SIPA1L3: variants seen among roughly 807,000 people sequenced by gnomAD.
The protein encoded by SIPA1L3 is signal-induced proliferation-associated 1-like protein 3.
In SIPA1L3, 59 loss-of-function variants were observed where a neutral mutation model predicts 150.1. That is an observed-to-expected ratio of 0.39 (90% CI 0.32 to 0.49). SIPA1L3 has a LOEUF of 0.49. SIPA1L3 is among the 20% of genes least tolerant of loss of function. SIPA1L3 has a pLI of 0.86. For missense variants in SIPA1L3, 2,211 were observed against 2,489.5 expected, an observed-to-expected ratio of 0.89 and a Z score of 2.38; for synonymous variants, 1,070 against 1,077.6, an observed-to-expected ratio of 0.99 and a Z score of 0.14.
chr19:38,048,498 G>C (rs576927338), intron 2 of SIPA1L3, among the ~76,000 whole-genome samples: 1 of 152,148 alleles, frequency 6.6e-6, no homozygotes, highest in African/African-American at 2.4e-5. Context: ...CTGAGGTCAC[G>C]TGCCCCTCAA....
Position 38,012,450 on chromosome 19 carries a change from C to G in SIPA1L3, c.-378-16639C>G, listed in dbSNP as rs145997576. Among the ~76,000 whole-genome samples, 148 of 152,262 alleles carry G rather than the reference C, an allele frequency of 9.7e-4. 2 individuals are homozygous for G. The East Asian group carries it at 0.019, about 20-fold the overall frequency. ...TCTAAGTAAAGGCTGGGGCCCTGTT[C>G]TGGTGCTGTACAGGGAACCTCCCCT... On this transcript the variant is annotated intron_variant, in intron 1 of 21. Transcript: ENST00000222345.
chr19:37,982,169 G>A (rs1282521017), intron 1 of SIPA1L3, among the ~76,000 whole-genome samples: 2 of 152,160 alleles, frequency 1.3e-5, no homozygotes, highest in South Asian at 4.1e-4. Context: ...ACAATTTAAT[G>A]TCCCAGATCA....
intron 1 of SIPA1L3, among the ~76,000 whole-genome samples, chr19:37,971,810 G>A (rs950937018): frequency 8.6e-5 from 13 of 151,788 alleles, no homozygotes; most frequent in Non-Finnish European, 1.6e-4. Flanking sequence ...CAGGCAATCC[G>A]CCCGCCTCAG....
intron 1 of SIPA1L3, among the ~76,000 whole-genome samples, chr19:37,922,424 T>C (rs1461609353): frequency 6.6e-6 from 1 of 151,328 alleles, no homozygotes; most frequent in African/African-American, 2.4e-5. Context: ...GACAGAGTCT[T>C]GCTCTGTCGC....
chr19:37,966,442 T>C (rs915062679), intron 1 of SIPA1L3, among the ~76,000 whole-genome samples: 1 of 152,154 alleles, frequency 6.6e-6, no homozygotes, highest in Non-Finnish European at 1.5e-5. Context: ...GCTGGAGGAA[T>C]GTTATGAGAC....
intron 1 of SIPA1L3, among the ~76,000 whole-genome samples, chr19:37,977,084 A>G (rs994019498): frequency 4.6e-5 from 7 of 151,414 alleles, no homozygotes; most frequent in Non-Finnish European, 1.0e-4. Context: ...CAGTCCACCC[A>G]CCTGAGCCTT....
At chr19:38,031,103 A>T (rs1968645083) in intron 2 of SIPA1L3, among the ~76,000 whole-genome samples, 1 of 152,126 alleles carries the variant, frequency 6.6e-6, no homozygotes, top group South Asian at 2.1e-4. Flanking sequence ...CTGTCAAAGG[A>T]TGCTTCCTGG....
chr19:38,131,111 A>G (rs1600112013), intron 10 of SIPA1L3, among the ~76,000 whole-genome samples: 1 of 152,174 alleles, frequency 6.6e-6, no homozygotes, highest in Non-Finnish European at 1.5e-5. Flanking sequence ...CATTTGTTCA[A>G]AATGTGTTTA....
intron 2 of SIPA1L3, among the ~76,000 whole-genome samples, chr19:38,036,766 A>G (rs1458421436): frequency 1.3e-5 from 2 of 152,188 alleles, no homozygotes; most frequent in African/African-American, 4.8e-5. Flanking sequence ...TGGGCAGGTC[A>G]GGTGGGAGGG....
At chr19:38,021,103 T>C (rs113051945) in intron 1 of SIPA1L3, among the ~76,000 whole-genome samples, 4,029 of 152,250 alleles carry the variant, frequency 0.026, 156 homozygotes, top group African/African-American at 0.089. Context: ...GCCCGGCTTT[T>C]AGCTGAGTCT....
chr19:38,082,093 C>G lies in SIPA1L3; in HGVS notation c.528C>G (p.Leu176=). 1 of 1,610,918 alleles carries G rather than the reference C, an allele frequency of 6.2e-7. No homozygotes were observed. The highest frequency in any genetic ancestry group is 8.5e-7 in the Non-Finnish European group (1 of 1,179,670). Reference sequence around the variant, plus strand: ...ACCGCAGCAGCAGCGAGATCACCCTCAGCGAGTGTGACGCGGAGGACGCGG... The same window carrying G: ...ACCGCAGCAGCAGCGAGATCACCCTGAGCGAGTGTGACGCGGAGGACGCGG... ...LRHRSSSEIT[L]SECDAEDAGE... The change falls in exon 3 of 22, where the codon CTC becomes CTG. Residue 176 remains leucine (L), a synonymous_variant. Coordinates refer to ENST00000222345, the MANE Select transcript of SIPA1L3 (RefSeq NM_015073.3).
At chr19:38,172,235 G>C (rs1972343317) in intron 15 of SIPA1L3, among the ~76,000 whole-genome samples, 1 of 152,306 alleles carries the variant, frequency 6.6e-6, no homozygotes, top group African/African-American at 2.4e-5. Flanking sequence ...AGCCATGTGA[G>C]AGTCCAGGGT....
intron 4 of SIPA1L3, among the ~76,000 whole-genome samples, chr19:38,098,658 G>A (rs1970434023): frequency 6.6e-6 from 1 of 151,982 alleles, no homozygotes. Flanking sequence ...GCCTCCCAAA[G>A]GGGGCTTTCC....
intron 8 of SIPA1L3, among the ~76,000 whole-genome samples, chr19:38,112,783 G>C (rs1339077300): frequency 6.6e-6 from 1 of 151,984 alleles, no homozygotes; most frequent in African/African-American, 2.4e-5. Flanking sequence ...CCCACAGGCA[G>C]CTCCTCTCTG....
rs554762169 is a variant in SIPA1L3 at position 38,135,486 on chromosome 19, T to C, written c.3143+4714T>C. ...TGGCTACGCTCCTCGAGGAAGGACA[T>C]GCACCCCTCTCCACACACTCCCACG... On this transcript the variant is annotated intron_variant, in intron 10 of 21. Transcript: ENST00000222345. Among the ~76,000 whole-genome samples the C allele has an allele frequency of 2.0e-3, 311 of 152,280 alleles. 1 individual carries two copies. Among genetic ancestry groups the C allele is most frequent in the African/African-American group, 7.0e-3 (291 of 41,552 alleles).
At chr19:38,161,491 G>A (rs1251114878) in intron 13 of SIPA1L3, among the ~76,000 whole-genome samples, 8 of 152,072 alleles carry the variant, frequency 5.3e-5, no homozygotes, top group African/African-American at 9.6e-5. Context: ...TTGGGAGGCC[G>A]AGGCAGGTGG....
At chr19:38,179,845 T>C (rs1163213762) in intron 15 of SIPA1L3, among the ~76,000 whole-genome samples, 1 of 152,168 alleles carries the variant, frequency 6.6e-6, no homozygotes, top group Non-Finnish European at 1.5e-5. Flanking sequence ...CTGAGGACTT[T>C]TTTTTTCTTT....
intron 12 of SIPA1L3, among the ~76,000 whole-genome samples, chr19:38,147,067 A>G (rs527261826): frequency 6.6e-6 from 1 of 151,424 alleles, no homozygotes; most frequent in East Asian, 1.9e-4. Flanking sequence ...ATTTTTATTT[A>G]TTTATTTATT....
At chr19:38,179,543 A>G (rs1019398465) in intron 15 of SIPA1L3, among the ~76,000 whole-genome samples, 1 of 152,228 alleles carries the variant, frequency 6.6e-6, no homozygotes, top group Non-Finnish European at 1.5e-5. Flanking sequence ...TATCACTGCA[A>G]TTCAGGTTAA....
Sources: gnomAD v4.1 joint callset for allele counts (sites outside exome capture counted in the v4.1 genomes callset) on GRCh38, gnomAD v4.1.1 for gene constraint, MANE v1.5 for transcripts, NCBI Gene and HGNC (gene_info 2026-07-23, HGNC 2026-07-21) for gene names.